The following ASIC2 variants were observed in gnomAD, a reference collection of about 807,000 sequenced individuals.
The protein encoded by ASIC2 is acid sensing ion channel subunit 2.
ASIC2 carries 25 observed loss-of-function variants against 57.3 expected under a neutral mutation model. The ratio of observed to expected loss-of-function variants is 0.44; its 90% CI spans 0.32 to 0.61. The LOEUF is 0.61. Among genes scored for constraint, ASIC2 ranks in the 20% least tolerant of loss-of-function variants. ASIC2 has a pLI of 0.06. For synonymous variants in ASIC2, 319 were observed against 307.5 expected (o/e 1.04, Z -0.39); for missense variants, 641 against 738.1 (o/e 0.87, Z 1.52).
chr17:33,460,698 A>G (rs941373132), intron 1 of ASIC2, among the ~76,000 whole-genome samples: 4 of 152,256 alleles, frequency 2.6e-5, no homozygotes, highest in Non-Finnish European at 5.9e-5. Context: ...ATGAGCTTAT[A>G]TGTTATGACT....
intron 1 of ASIC2, among the ~76,000 whole-genome samples, chr17:33,821,914 T>C (rs1398330894): frequency 6.6e-6 from 1 of 152,104 alleles, no homozygotes; most frequent in Non-Finnish European, 1.5e-5. Flanking sequence ...AGCTTGGAGG[T>C]TGTGAAATAC....
At chr17:33,454,457 G>A (rs1380923776) in intron 1 of ASIC2, among the ~76,000 whole-genome samples, 1 of 152,216 alleles carries the variant, frequency 6.6e-6, no homozygotes, top group Admixed American at 6.5e-5. Flanking sequence ...CATGCCCATT[G>A]TAGGCACCCA....
chr17:33,488,624 G>A (rs554764196), intron 1 of ASIC2, among the ~76,000 whole-genome samples: 5 of 152,272 alleles, frequency 3.3e-5, no homozygotes, highest in South Asian at 2.1e-4. Flanking sequence ...AGCATAAAAT[G>A]TATCATCTTA....
intron 1 of ASIC2, among the ~76,000 whole-genome samples, chr17:33,173,837 C>T (rs1905625505): frequency 6.6e-6 from 1 of 152,218 alleles, no homozygotes; most frequent in Non-Finnish European, 1.5e-5. Context: ...CTGTGCCTAA[C>T]ACAAAGTAAG....
intron 1 of ASIC2, among the ~76,000 whole-genome samples, chr17:34,031,587 CA>C (rs2142037435): frequency 6.6e-6 from 1 of 152,142 alleles, no homozygotes; most frequent in Admixed American, 6.5e-5. Flanking sequence ...AAATTCGAAC[CA>C]ATGGCAAAGA....
At chr17:33,706,988 G>A (rs1908882614) in intron 1 of ASIC2, among the ~76,000 whole-genome samples, 1 of 152,192 alleles carries the variant, frequency 6.6e-6, no homozygotes, top group African/African-American at 2.4e-5. Flanking sequence ...AAGGGTGAAT[G>A]CTGTGAAAAT....
At chr17:33,870,865 A>C (rs551126204) in intron 1 of ASIC2, among the ~76,000 whole-genome samples, 1 of 152,332 alleles carries the variant, frequency 6.6e-6, no homozygotes, top group African/African-American at 2.4e-5. Context: ...TGTAGGCTTA[A>C]TATAAGTGCT....
chr17:33,322,409 G>A (rs1906905316), intron 1 of ASIC2, among the ~76,000 whole-genome samples: 1 of 152,210 alleles, frequency 6.6e-6, no homozygotes, highest in South Asian at 2.1e-4. Context: ...CCTTGAGCAA[G>A]TGGAGGTGGT....
At chr17:33,978,683 G>A (rs1354900441) in intron 1 of ASIC2, among the ~76,000 whole-genome samples, 1 of 152,108 alleles carries the variant, frequency 6.6e-6, no homozygotes, top group East Asian at 1.9e-4. Context: ...GTCGAGTCAA[G>A]GCCAGACTGA....
intron 1 of ASIC2, among the ~76,000 whole-genome samples, chr17:33,481,947 G>A (rs1011765617): frequency 6.6e-6 from 1 of 152,076 alleles, no homozygotes; most frequent in Non-Finnish European, 1.5e-5. Flanking sequence ...ATTTTATGCC[G>A]ATAGCACCTG....
intron 3 of ASIC2, among the ~76,000 whole-genome samples, chr17:33,075,794 A>G (rs1394406456): frequency 2.0e-5 from 3 of 152,148 alleles, no homozygotes; most frequent in Admixed American, 6.5e-5. Flanking sequence ...ACACAGAACA[A>G]GCAAAAGGCA....
At chr17:33,969,843 G>A (rs1319705791) in intron 1 of ASIC2, among the ~76,000 whole-genome samples, 1 of 152,152 alleles carries the variant, frequency 6.6e-6, no homozygotes, top group African/African-American at 2.4e-5. Flanking sequence ...GCCATGGTGA[G>A]TGCCAAGGGG....
At chr17:33,087,169 T>G (rs909434490) in intron 3 of ASIC2, among the ~76,000 whole-genome samples, 1 of 152,262 alleles carries the variant, frequency 6.6e-6, no homozygotes, top group African/African-American at 2.4e-5. Context: ...CCTGTCCATC[T>G]GCATGTCTTT....
intron 1 of ASIC2, among the ~76,000 whole-genome samples, chr17:33,937,521 C>G (rs1270738821): frequency 6.6e-6 from 1 of 152,072 alleles, no homozygotes; most frequent in South Asian, 2.1e-4. Context: ...ACTTGTGACT[C>G]TACTAACATT....
intron 1 of ASIC2, among the ~76,000 whole-genome samples, chr17:34,095,748 TA>T (rs1183381282): frequency 3.4e-5 from 5 of 145,822 alleles, no homozygotes; most frequent in Non-Finnish European, 7.5e-5. Context: ...ATTTTATATA[TA>T]TATATATAGT....
chr17:33,785,226 G>A (rs1307110761), intron 1 of ASIC2, among the ~76,000 whole-genome samples: 1 of 152,044 alleles, frequency 6.6e-6, no homozygotes, highest in African/African-American at 2.4e-5. Flanking sequence ...GAAAGAAGAT[G>A]GCCATCTACA....
At chr17:33,218,216 G>C (rs896156882) in intron 1 of ASIC2, among the ~76,000 whole-genome samples, 23 of 152,242 alleles carry the variant, frequency 1.5e-4, no homozygotes, top group African/African-American at 5.5e-4. Context: ...TCGGAGGGAA[G>C]TTCACATCCC....
At chr17:33,964,799 C>A (rs1207858897) in intron 1 of ASIC2, among the ~76,000 whole-genome samples, 1 of 152,204 alleles carries the variant, frequency 6.6e-6, no homozygotes, top group Non-Finnish European at 1.5e-5. Flanking sequence ...CAGCCGCCTG[C>A]GGTGGTGGGA....
At chr17:33,139,736 G>A (rs1366346374) in intron 1 of ASIC2, among the ~76,000 whole-genome samples, 1 of 152,190 alleles carries the variant, frequency 6.6e-6, no homozygotes, top group Non-Finnish European at 1.5e-5. Flanking sequence ...CCCCTATCAT[G>A]GGCCATGCCT....
Sources: allele counts gnomAD v4.1 joint callset (sites outside exome capture counted in the v4.1 genomes callset), GRCh38; gene constraint gnomAD v4.1.1; transcripts MANE v1.5; gene names NCBI Gene and HGNC (gene_info 2026-07-23, HGNC 2026-07-21).